Variants in ZNF83 observed in about 807,000 individuals in gnomAD.
ZNF83 encodes zinc finger protein 816B.
For synonymous variants in ZNF83, 209 were observed against 213.0 expected, an observed-to-expected ratio of 0.98 and a Z score of 0.17; for missense variants, 552 against 629.9, an observed-to-expected ratio of 0.88 and a Z score of 1.32.
At chr19:52,651,398 A>C (rs1226282180) in intron 3 of ZNF83, 1 of 152,190 alleles carries the variant, frequency 6.6e-6, no homozygotes, top group Non-Finnish European at 1.5e-5. Context: ...ATTCTTGAGG[A>C]GGTGTTAGAA....
intron 2 of ZNF83, among the ~76,000 whole-genome samples, chr19:52,658,132 A>G (rs1399031086): frequency 2.4e-5 from 3 of 127,566 alleles, no homozygotes; most frequent in Non-Finnish European, 4.9e-5. Context: ...GTGAAACTTC[A>G]TCTCAAAAAA....
chr19:52,634,429 C>T (rs528967192), intron 2 of ZNF83, among the ~76,000 whole-genome samples: 10 of 152,270 alleles, frequency 6.6e-5, no homozygotes, highest in Middle Eastern at 3.4e-3. Flanking sequence ...ACAATCTCCA[C>T]GAGCTTAATG....
At chr19:52,672,857 T>C (rs1409943718) in intron 1 of ZNF83, among the ~76,000 whole-genome samples, 3 of 152,162 alleles carry the variant, frequency 2.0e-5, no homozygotes, top group Non-Finnish European at 4.4e-5. Context: ...ATTACAGACA[T>C]GAGCCACCGT....
chr19:52,637,658 T>C (rs2061195453), intron 1 of ZNF83, among the ~76,000 whole-genome samples: 1 of 152,212 alleles, frequency 6.6e-6, no homozygotes, highest in African/African-American at 2.4e-5. Context: ...CCAATGCCTT[T>C]GGCCGACACA....
exon 3 of ZNF83, chr19:52,614,541 T>C: frequency 6.3e-7 from 1 of 1,598,972 alleles, no homozygotes; most frequent in Non-Finnish European, 8.6e-7. Context: ...GCTGCTTTTG[T>C]GCATCATCCT....
intron 3 of ZNF83, among the ~76,000 whole-genome samples, chr19:52,646,315 C>T (rs1464885695): frequency 6.6e-6 from 1 of 152,038 alleles, no homozygotes; most frequent in Non-Finnish European, 1.5e-5. Flanking sequence ...GGGTCCAAGG[C>T]AGGAAGATCC....
intron 2 of ZNF83, chr19:52,617,954 C>CACTG (rs1312933276): frequency 1.3e-5 from 2 of 152,282 alleles, no homozygotes; most frequent in Non-Finnish European, 2.9e-5. Flanking sequence ...CAAATTCCTC[C>CACTG]ACTGACTGCC....
At chr19:52,654,043 A>C (rs1208466748) in intron 3 of ZNF83, 1 of 1,584,296 alleles carries the variant, frequency 6.3e-7, no homozygotes, top group African/African-American at 1.3e-5. Flanking sequence ...AGCATTGTTG[A>C]TAGACTTCTC....
intron 2 of ZNF83, among the ~76,000 whole-genome samples, chr19:52,625,217 A>G (rs978148703): frequency 6.6e-5 from 10 of 152,116 alleles, no homozygotes; most frequent in African/African-American, 2.4e-4. Context: ...CTCATTGCCT[A>G]AACTCAGGCC....
intron 1 of ZNF83, among the ~76,000 whole-genome samples, chr19:52,678,687 TC>T (rs2061859135): frequency 6.6e-6 from 1 of 151,882 alleles, no homozygotes; most frequent in African/African-American, 2.4e-5. Context: ...ATCAAAAATA[TC>T]TTTGTAGGCC....
At chr19:52,633,622 T>G (rs544718072) in intron 2 of ZNF83, among the ~76,000 whole-genome samples, 1 of 152,176 alleles carries the variant, frequency 6.6e-6, no homozygotes, top group Non-Finnish European at 1.5e-5. Flanking sequence ...AACAAATATA[T>G]TCATTGGTCA....
At chr19:52,648,665 T>C (rs1261600251) in intron 3 of ZNF83, among the ~76,000 whole-genome samples, 1 of 152,162 alleles carries the variant, frequency 6.6e-6, no homozygotes, top group African/African-American at 2.4e-5. Flanking sequence ...CCGCTGCTGT[T>C]AAAGTTGCAG....
chr19:52,658,258 A>G (rs540858107), intron 2 of ZNF83, among the ~76,000 whole-genome samples: 1 of 152,258 alleles, frequency 6.6e-6, no homozygotes, highest in African/African-American at 2.4e-5. Flanking sequence ...ACATTATGAA[A>G]GTCCCAGGCC....
intron 2 of ZNF83, among the ~76,000 whole-genome samples, chr19:52,659,081 C>T (rs1292749220): frequency 6.6e-6 from 1 of 152,050 alleles, no homozygotes; most frequent in East Asian, 1.9e-4. Flanking sequence ...GGCCAGGGTC[C>T]GTGGGCAGAC....
intron 1 of ZNF83, among the ~76,000 whole-genome samples, chr19:52,678,287 T>C (rs1317812970): frequency 6.7e-6 from 1 of 150,088 alleles, no homozygotes; most frequent in Admixed American, 6.6e-5. Flanking sequence ...CCCGTCTTAC[T>C]AAAAATATAA....
chr19:52,641,759 T>C (rs1037880052), upstream of ZNF83, among the ~76,000 whole-genome samples: 10 of 152,202 alleles, frequency 6.6e-5, no homozygotes, highest in Non-Finnish European at 1.3e-4. Flanking sequence ...TTTAGAAATC[T>C]CCTTTGCCAA....
rs181300076 is a variant in ZNF83 at position 52,673,076 on chromosome 19, A to G, written c.-282-12233T>C. Among the ~76,000 whole-genome samples the G allele has an allele frequency of 2.6e-3, 403 of 152,218 alleles. 3 individuals are homozygous for G. Among genetic ancestry groups the G allele is most frequent in the Non-Finnish European group, 4.0e-3 (275 of 67,998 alleles). ...CTACCAAAAATACAAAAAAAACTGG[A>G]TGTGAGCCTGTAATCCCAGCTACTC... On this transcript the variant is annotated intron_variant, in intron 1 of 5. Coordinates refer to the ZNF83 transcript ENST00000594682.
chr19:52,675,214 C>G (rs185856703), intron 1 of ZNF83, among the ~76,000 whole-genome samples: 1 of 152,180 alleles, frequency 6.6e-6, no homozygotes, highest in South Asian at 2.1e-4. Context: ...ATTAACATTA[C>G]TTCTCAAATA....
intron 1 of ZNF83, among the ~76,000 whole-genome samples, chr19:52,678,974 A>C (rs1488883778): frequency 2.4e-3 from 62 of 25,500 alleles, no homozygotes; most frequent in South Asian, 7.6e-3. Context: ...ACTCCATCTC[A>C]AAAAAAAAAA....
Sources: gnomAD v4.1 joint callset for allele counts (sites outside exome capture counted in the v4.1 genomes callset) on GRCh38, gnomAD v4.1.1 for gene constraint, MANE v1.5 for transcripts, NCBI Gene and HGNC (gene_info 2026-07-23, HGNC 2026-07-21) for gene names.